Variants in GRIP1 observed in about 807,000 individuals in gnomAD.
GRIP1 encodes the protein glutamate receptor-interacting protein 1.
Under a neutral mutation model 129.9 loss-of-function variants are expected in GRIP1, and 45 were observed. The observed-to-expected ratio is 0.35, with a 90% confidence interval of 0.27 to 0.44. The LOEUF (loss-of-function observed/expected upper bound fraction) is 0.44, where lower values mean the gene tolerates loss of function less well. GRIP1 is among the 20% of genes least tolerant of loss of function. The pLI is 1.00. For missense variants in GRIP1, 1,196 were observed against 1,396.8 expected (o/e 0.86, Z 2.29); for synonymous variants, 530 against 520.8 (o/e 1.02, Z -0.24).
At chr12:66,594,911 A>C (rs1238118075) in intron 2 of GRIP1, among the ~76,000 whole-genome samples, 1 of 152,232 alleles carries the variant, frequency 6.6e-6, no homozygotes, top group East Asian at 1.9e-4. Context: ...ACAGTAAGGG[A>C]TCAGAACTCC....
intron 1 of GRIP1, among the ~76,000 whole-genome samples, chr12:66,614,857 C>T (rs1256654571): frequency 6.6e-6 from 1 of 152,122 alleles, no homozygotes; most frequent in African/African-American, 2.4e-5. Context: ...TTGACTAAAC[C>T]TTGCTACTCC....
At chr12:66,856,573 G>C (rs1480107774) in intron 1 of GRIP1, among the ~76,000 whole-genome samples, 1 of 152,004 alleles carries the variant, frequency 6.6e-6, no homozygotes, top group Non-Finnish European at 1.5e-5. Context: ...AATATGAACA[G>C]ACACTTCTCA....
intron 1 of GRIP1, among the ~76,000 whole-genome samples, chr12:66,937,128 C>T (rs1232488407): frequency 2.0e-5 from 3 of 152,190 alleles, no homozygotes. Flanking sequence ...GCTGTTCCCT[C>T]TACCTGAAAC....
intron 5 of GRIP1, among the ~76,000 whole-genome samples, chr12:66,523,509 T>A (rs2061101138): frequency 6.6e-6 from 1 of 151,354 alleles, no homozygotes; most frequent in African/African-American, 2.4e-5. Context: ...AGGCCTGCCC[T>A]AAAAGAACTC....
intron 23 of GRIP1, among the ~76,000 whole-genome samples, chr12:66,362,142 CTTTT>C (rs10589880): frequency 5.5e-5 from 5 of 91,662 alleles, no homozygotes; most frequent in Non-Finnish European, 4.0e-5. Flanking sequence ...CCAATTTAAT[CTTTT>C]TTTTTTTTTT....
chr12:66,646,148 A>C (rs1289050420), intron 1 of GRIP1, among the ~76,000 whole-genome samples: 4 of 152,230 alleles, frequency 2.6e-5, no homozygotes, highest in African/African-American at 9.6e-5. Flanking sequence ...TTAAGTAGGA[A>C]TGGATAATAA....
chr12:66,394,008 G>A (rs1444978565), intron 17 of GRIP1, among the ~76,000 whole-genome samples, 200 bp downstream of exon 17: 4 of 152,100 alleles, frequency 2.6e-5, no homozygotes, highest in East Asian at 1.9e-4. Context: ...AGCCCAAGAC[G>A]TCTTTTACTG....
chr12:66,659,608 TA>T (rs2033377239), intron 1 of GRIP1, among the ~76,000 whole-genome samples: 3 of 152,378 alleles, frequency 2.0e-5, no homozygotes, highest in African/African-American at 7.2e-5. Context: ...CCAGTCTCTG[TA>T]TTGATTCTAA....
At chr12:66,443,020 C>T (rs572316211) in intron 13 of GRIP1, among the ~76,000 whole-genome samples, 1 of 152,308 alleles carries the variant, frequency 6.6e-6, no homozygotes, top group East Asian at 1.9e-4. Flanking sequence ...ATCCCTGAGT[C>T]CACAAGCATA....
At chr12:66,844,783 G>A (rs2039784102) in intron 1 of GRIP1, among the ~76,000 whole-genome samples, 1 of 152,154 alleles carries the variant, frequency 6.6e-6, no homozygotes, top group African/African-American at 2.4e-5. Flanking sequence ...TCAGCCTTAA[G>A]AAGGAAGAAA....
intron 9 of GRIP1, among the ~76,000 whole-genome samples, chr12:66,458,528 G>A (rs1308777230): frequency 6.6e-6 from 1 of 152,112 alleles, no homozygotes; most frequent in Non-Finnish European, 1.5e-5. Flanking sequence ...GGGATTATAG[G>A]TGCCCACCAC....
chr12:66,782,621 G>A (rs765768629), intron 1 of GRIP1, among the ~76,000 whole-genome samples: 3 of 152,118 alleles, frequency 2.0e-5, no homozygotes, highest in Non-Finnish European at 4.4e-5. Context: ...TTCACTTCTG[G>A]TTATGGAAAC....
intron 16 of GRIP1, among the ~76,000 whole-genome samples, chr12:66,400,786 T>C (rs1056262345): frequency 2.0e-5 from 3 of 152,212 alleles, no homozygotes; most frequent in African/African-American, 7.2e-5. Context: ...GAAAACTATA[T>C]GTGATAGATT....
chr12:66,493,614 A>AAGTGGTACAC (rs1204438370), intron 7 of GRIP1, among the ~76,000 whole-genome samples: 2 of 141,596 alleles, frequency 1.4e-5, no homozygotes, highest in African/African-American at 5.6e-5. Flanking sequence ...AACTTTCCTA[A>AAGTGGTACAC]AGAAAGAGCC....
chr12:66,599,846 G>C (rs1431766155), intron 1 of GRIP1, among the ~76,000 whole-genome samples: 1 of 152,134 alleles, frequency 6.6e-6, no homozygotes, highest in African/African-American at 2.4e-5. Context: ...ATTTATAGAA[G>C]GGCACACATC....
At chr12:66,359,045 C>T (rs71450858) in intron 23 of GRIP1, among the ~76,000 whole-genome samples, 3,408 of 152,260 alleles carry the variant, frequency 0.022, 69 homozygotes, top group Non-Finnish European at 0.037. Flanking sequence ...GGGGCAGGGA[C>T]CGTCGCCACC....
At chr12:66,840,218 T>C (rs2039690504) in intron 1 of GRIP1, among the ~76,000 whole-genome samples, 1 of 152,148 alleles carries the variant, frequency 6.6e-6, no homozygotes, top group Admixed American at 6.6e-5. Flanking sequence ...ATAATAATAA[T>C]AGGCTTCTGA....
chr12:66,775,404 C>T (rs1457813620), intron 1 of GRIP1, among the ~76,000 whole-genome samples: 1 of 152,294 alleles, frequency 6.6e-6, no homozygotes, highest in East Asian at 1.9e-4. Flanking sequence ...AATCATTCCC[C>T]TGGCCACATT....
chr12:66,376,216 CA>C (rs1473210599), intron 22 of GRIP1, among the ~76,000 whole-genome samples: 1 of 152,140 alleles, frequency 6.6e-6, no homozygotes, highest in Non-Finnish European at 1.5e-5. Context: ...TGCAGATTCA[CA>C]AACATTAGAA....
Sources: gnomAD v4.1 joint callset for allele counts (sites outside exome capture counted in the v4.1 genomes callset) on GRCh38, gnomAD v4.1.1 for gene constraint, MANE v1.5 for transcripts, NCBI Gene and HGNC (gene_info 2026-07-23, HGNC 2026-07-21) for gene names.